Variants in CAMSAP1 observed in about 807,000 individuals in gnomAD.
The protein encoded by CAMSAP1 is calmodulin-regulated spectrin-associated protein 1.
Under a neutral mutation model 143.5 loss-of-function variants are expected in CAMSAP1, and 58 were observed. That is an observed-to-expected ratio of 0.40 (90% CI 0.33 to 0.50). The LOEUF is 0.50. CAMSAP1 is among the 20% of genes least tolerant of loss of function. The probability of loss-of-function intolerance (pLI) is 0.45; values close to 1 mark genes in which losing one functional copy is unlikely to be tolerated. For synonymous variants in CAMSAP1, 945 were observed against 859.3 expected (o/e 1.10, Z -1.74); for missense variants, 1,969 against 2,115.7 (o/e 0.93, Z 1.36).
At chr9:135,865,225 A>C in intron 4 of CAMSAP1, 2 of 1,117,346 alleles carry the variant, frequency 1.8e-6, no homozygotes, top group Non-Finnish European at 2.6e-6. Context: ...ACATTTAAAC[A>C]ACAACAACAA....
chr9:135,838,174 C>T (rs1588461243), intron 7 of CAMSAP1, among the ~76,000 whole-genome samples: 1 of 150,726 alleles, frequency 6.6e-6, no homozygotes, highest in South Asian at 2.1e-4. Context: ...CACTTTCCAC[C>T]CGTTCTACAG....
intron 4 of CAMSAP1, among the ~76,000 whole-genome samples, chr9:135,863,513 T>A (rs1426241988): frequency 1.3e-5 from 2 of 152,184 alleles, no homozygotes; most frequent in Admixed American, 1.3e-4. Flanking sequence ...ACCAGCAATC[T>A]ACAATAAAAA....
At position 135,815,121 on chromosome 9, in the gene CAMSAP1, T is replaced by C. The variant is rs1289496402; in HGVS notation, c.4482A>G (p.Glu1494=). The change falls in exon 16 of 17, where the codon GAA becomes GAG. Residue 1494 remains glutamate (E), a synonymous_variant. Transcript: ENST00000389532. ...CCTCCAATATGGAATTCTTGTGGGG[T>C]TCGTTCACTTTTCCAGCCAGGCAGC... ...SHCCLAGKVN[E]PHKNSILEEL... 31 of 1,613,192 alleles carry C rather than the reference T, an allele frequency of 1.9e-5. No individual in the cohort carries two copies. In the Admixed American group the frequency reaches 4.8e-4, roughly 25 times the overall value.
At chr9:135,883,849 T>A (rs548406375) in intron 1 of CAMSAP1, among the ~76,000 whole-genome samples, 2 of 152,320 alleles carry the variant, frequency 1.3e-5, no homozygotes, top group South Asian at 4.1e-4. Flanking sequence ...GAGACCAGCC[T>A]GAACCCACAC....
chr9:135,828,837 C>T (rs1835763133), intron 7 of CAMSAP1, among the ~76,000 whole-genome samples: 1 of 152,180 alleles, frequency 6.6e-6, no homozygotes, highest in Admixed American at 6.5e-5. Context: ...TGGGAACCCC[C>T]ATTAGACTAT....
intron 5 of CAMSAP1, among the ~76,000 whole-genome samples, chr9:135,850,964 T>C (rs1330876841): frequency 6.6e-6 from 1 of 152,254 alleles, no homozygotes; most frequent in Non-Finnish European, 1.5e-5. Flanking sequence ...TGACAATGCA[T>C]AGCCCAAGTC....
rs1834983094 is a variant in CAMSAP1, at chr9:135,809,942, A to T, written c.*1367T>A. 1 of 152,626 alleles carries T rather than the reference A, an allele frequency of 6.6e-6. No individual in the cohort carries two copies. The highest frequency in any genetic ancestry group is 1.5e-5 in the Non-Finnish European group (1 of 68,042). 9.5% of individuals were successfully genotyped at this position (152,626 alleles called of 1,614,324 possible). On this transcript the variant is annotated 3_prime_UTR_variant, in exon 17 of 17. Transcript: ENST00000389532. ...TTTTGTCTATCTAAAATTATGTAACAGTTAAATTTGTCTCTTTTTCTCCCA... is the reference window on the plus strand; with the variant it reads ...TTTTGTCTATCTAAAATTATGTAACTGTTAAATTTGTCTCTTTTTCTCCCA...
Position 135,818,021 on chromosome 9 carries a change from C to G in CAMSAP1, c.4227G>C (p.Thr1409=). 5 of 1,613,948 alleles carry G rather than the reference C, an allele frequency of 3.1e-6. No homozygotes were observed. The highest frequency in any genetic ancestry group is 4.2e-6 in the Non-Finnish European group (5 of 1,179,886). The change falls in exon 14 of 17, where the codon ACG becomes ACC. Residue 1409 remains threonine (T), a synonymous_variant. Transcript: ENST00000389532. This position sits in a 1 kb window ranked among gnomAD's most constrained non-coding sequence, Gnocchi z 7.7. ...CGGAATGAACGCTCTCGGGTTCTGT[C>G]GTCGCCGCAGAGGCCAAGGACAGGC... ...GSSLSLASAA[T]TEPESVHSGG...
chr9:135,858,063 G>A (rs559081288), intron 5 of CAMSAP1, among the ~76,000 whole-genome samples: 1 of 151,962 alleles, frequency 6.6e-6, no homozygotes, highest in African/African-American at 2.4e-5. Flanking sequence ...CTGTCCACCA[G>A]CATCCTTGGT....
At position 135,822,286 on chromosome 9, in the gene CAMSAP1, G is replaced by C. The variant is rs1241007468; in HGVS notation, c.2375C>G (p.Ser792Trp). 10 of 1,613,958 alleles carry C rather than the reference G, an allele frequency of 6.2e-6. No homozygotes were observed. Among genetic ancestry groups the C allele is most frequent in the Non-Finnish European group, 7.6e-6 (9 of 1,179,894 alleles). The change falls in exon 11 of 17, where the codon TCG becomes TGG. Residue 792 changes from serine (S) to tryptophan (W), a missense_variant. Transcript: ENST00000389532. This position sits in a 1 kb window ranked among gnomAD's most constrained non-coding sequence, Gnocchi z 6.1. ...AGAGGCTGTGCTCAGGCAGGGGCTC[G>C]AGCGGCCGCTGGCGTCATCTTTGTC... ...HEDKDDASGR[S>W]SPCLSTASQM...
chr9:135,867,800 G>A (rs946600542), intron 3 of CAMSAP1, among the ~76,000 whole-genome samples: 2 of 152,220 alleles, frequency 1.3e-5, no homozygotes, highest in Non-Finnish European at 2.9e-5. Flanking sequence ...CAAGGCAAGA[G>A]GGGAACCCTG....
In CAMSAP1 at chr9:135,824,452, G is replaced by T. The variant is rs1274898698; in HGVS notation, c.1315+337C>A. On this transcript the variant is annotated intron_variant, in intron 9 of 16. Transcript: ENST00000389532. This position sits in a 1 kb window ranked among gnomAD's most constrained non-coding sequence, Gnocchi z 4.1. ...GAGGCCGAGGTGGGCAGATCATGAG[G>T]CTAGGAGATCGAGACCATCCTGGCC... Among the ~76,000 whole-genome samples the T allele has an allele frequency of 6.6e-6, 1 of 152,184 alleles. No homozygotes were observed. The highest frequency in any genetic ancestry group is 1.5e-5 in the Non-Finnish European group (1 of 68,030).
intron 5 of CAMSAP1, among the ~76,000 whole-genome samples, chr9:135,856,090 A>G (rs753470719): frequency 6.6e-6 from 1 of 152,188 alleles, no homozygotes; most frequent in Non-Finnish European, 1.5e-5. Flanking sequence ...CAAAAAAGCC[A>G]AACTATTTGT....
intron 7 of CAMSAP1, among the ~76,000 whole-genome samples, chr9:135,833,373 G>A (rs1202077319): frequency 1.3e-5 from 2 of 152,120 alleles, no homozygotes; most frequent in East Asian, 1.9e-4. Flanking sequence ...GAGCCACCGC[G>A]CCCGGCCAGT....
intron 1 of CAMSAP1, among the ~76,000 whole-genome samples, chr9:135,906,740 C>T (rs1306709509): frequency 6.6e-6 from 1 of 151,938 alleles, no homozygotes; most frequent in African/African-American, 2.4e-5. Flanking sequence ...AGGCTGGGGG[C>T]ACTCCCGAAA....
In CAMSAP1 at chr9:135,823,000, T is replaced by C. The variant is rs1835538725; in HGVS notation, c.1661A>G (p.Gln554Arg). ...GGCCCTGGGGAACTCCGGGTCAGCC[T>C]GCTGGGGAACCACGTCTGCTCTAAC... is the stretch of plus-strand genomic sequence containing the variant. The part of the protein sequence containing the change: ...AIVRADVVPQ[Q>R]ADPEFPRASP... Residue 554 changes from glutamine to arginine, a missense_variant, in exon 11 of 17, where the codon CAG (glutamine) becomes CGG (arginine). Transcript: ENST00000389532. This position sits in a 1 kb window ranked among gnomAD's most constrained non-coding sequence, Gnocchi z 6.1. 6.2e-7 allele frequency: 1 copy of C among 1,613,992 alleles called. No homozygotes were observed. Among genetic ancestry groups the C allele is most frequent in the East Asian group, 2.2e-5 (1 of 44,876 alleles).
rs1366577403 is a variant in CAMSAP1 at position 135,818,620 on chromosome 9, A to G, written c.3960-4T>C. ...CCGGTCTTCCTCAGCTTTGCGCCTG[A>G]GAGAAACACACGCCCAGACACTGCT... is the stretch of plus-strand genomic sequence containing the variant. On this transcript the variant is annotated splice_region_variant and splice_polypyrimidine_tract_variant and intron_variant, in intron 12 of 16. Coordinates refer to ENST00000389532, the MANE Select transcript of CAMSAP1 (RefSeq NM_015447.4). This position sits in a 1 kb window ranked among gnomAD's most constrained non-coding sequence, Gnocchi z 7.7. 1 of 1,612,502 alleles carries G rather than the reference A, an allele frequency of 6.2e-7. No homozygotes were observed. The highest frequency in any genetic ancestry group is 2.2e-5 in the East Asian group (1 of 44,852).
intron 1 of CAMSAP1, among the ~76,000 whole-genome samples, chr9:135,902,967 C>T (rs141128659): frequency 2.0e-5 from 3 of 152,170 alleles, no homozygotes; most frequent in East Asian, 1.9e-4. Flanking sequence ...GCTACACCGC[C>T]GACATCCTTG....
chr9:135,816,095 G>A (rs1835221412), intron 14 of CAMSAP1, 90 bp from the exon 15 acceptor site: 2 of 1,185,202 alleles, frequency 1.7e-6, no homozygotes, highest in East Asian at 2.3e-5. Flanking sequence ...AACCAGGACA[G>A]GAAGCACATC....
Sources: allele counts gnomAD v4.1 joint callset (sites outside exome capture counted in the v4.1 genomes callset), GRCh38; gene constraint gnomAD v4.1.1; non-coding constraint Gnocchi (gnomAD v3.1); transcripts MANE v1.5; gene names NCBI Gene and HGNC (gene_info 2026-07-23, HGNC 2026-07-21).